The following NCKAP5 variants were observed in gnomAD, a reference collection of about 807,000 sequenced individuals.
NCKAP5 encodes the protein nck-associated protein 5.
In NCKAP5, 92 loss-of-function variants were observed where a neutral mutation model predicts 167.0. The observed-to-expected ratio is 0.55, with a 90% confidence interval of 0.47 to 0.66. The LOEUF is 0.66. NCKAP5 is among the 30% of genes least tolerant of loss of function. The pLI is 0.00. For missense variants in NCKAP5, 2,378 were observed against 2,315.0 expected, an observed-to-expected ratio of 1.03 and a Z score of -0.56; for synonymous variants, 891 against 877.4, an observed-to-expected ratio of 1.02 and a Z score of -0.27.
chr2:132,705,477 C>T (rs1266818012), intron 19 of NCKAP5, among the ~76,000 whole-genome samples: 1 of 152,144 alleles, frequency 6.6e-6, no homozygotes, highest in Non-Finnish European at 1.5e-5. Context: ...ATTCTCAGTT[C>T]TTATGTGACT....
At chr2:133,648,614 CATA>C in the NCKAP5 span, among the ~76,000 whole-genome samples, 2 of 151,830 alleles carry the variant, frequency 1.3e-5, no homozygotes, top group African/African-American at 2.4e-5. Flanking sequence ...ATTAAAAATT[CATA>C]ATATGTAGAA....
At chr2:133,516,741 G>A (rs929377185) in intron 3 of NCKAP5, among the ~76,000 whole-genome samples, 1 of 152,184 alleles carries the variant, frequency 6.6e-6, no homozygotes, top group Admixed American at 6.5e-5. Flanking sequence ...AAGGAACCAA[G>A]CTAAATCTCT....
At chr2:133,072,412 T>A (rs1439589221) in intron 6 of NCKAP5, among the ~76,000 whole-genome samples, 7 of 152,182 alleles carry the variant, frequency 4.6e-5, no homozygotes, top group African/African-American at 1.7e-4. Context: ...CTCTCCAGAC[T>A]GGAACAGGTG....
At position 132,994,190 on chromosome 2, in the gene NCKAP5, G is replaced by T. The variant is rs1340617104; in HGVS notation, c.391C>A (p.Gln131Lys). 1.3e-6 allele frequency: 2 copies of T among 1,590,964 alleles called. No individual in the cohort carries two copies. Among genetic ancestry groups the T allele is most frequent in the Non-Finnish European group, 1.7e-6 (2 of 1,167,816 alleles). The change falls in exon 7 of 20, where the codon CAG becomes AAG. Residue 131 changes from glutamine (Q) to lysine (K), a missense_variant. By Grantham distance (53) the Gln-to-Lys change is moderately conservative (BLOSUM62 1). Transcript: ENST00000409261. The stretch of plus-strand genomic sequence containing the variant: ...ATATTAACAGTTTCTTCTTTTTTCT[G>T]CTCTGGAGATCCTTGACTCTGCAAT... ...NLLQSQGSPE[Q>K]KKEETVNIMV...
chr2:133,216,830 G>A (rs980029056), intron 4 of NCKAP5, among the ~76,000 whole-genome samples: 10 of 152,086 alleles, frequency 6.6e-5, no homozygotes, highest in East Asian at 1.9e-4. Flanking sequence ...CTGTGTCGGA[G>A]GAGTAAGATG....
rs533358296 is a variant in NCKAP5, at chr2:133,563,002, A to G, written c.-129-3885T>C. On this transcript the variant is annotated intron_variant, in intron 1 of 19. Coordinates refer to ENST00000409261, the MANE Select transcript of NCKAP5 (RefSeq NM_207363.3). ...TAGAGAACTGGAGAAAAAGAAGGCT[A>G]TAAGGTACTTTGTGCTTAACTGGGT... is the stretch of plus-strand genomic sequence containing the variant. Among the ~76,000 whole-genome samples, 6 of 152,348 alleles carry G rather than the reference A, an allele frequency of 3.9e-5. No individual in the cohort carries two copies. In the East Asian group the frequency reaches 1.2e-3, roughly 29 times the overall value.
At chr2:133,584,439 C>T in the NCKAP5 span, among the ~76,000 whole-genome samples, 1 of 152,132 alleles carries the variant, frequency 6.6e-6, no homozygotes, top group Non-Finnish European at 1.5e-5. Context: ...CTGGAAGAGG[C>T]TTCTTCTTGC....
At position 132,700,178 on chromosome 2, in the gene NCKAP5, A is replaced by AT. The variant is rs549816773; in HGVS notation, c.5713+25448dup. ...CTTCACTCACTTTTTGATGGGGTTG[A>AT]TTTTTTCTTGTAAAGTTGTTTAAGT... On this transcript the variant is annotated intron_variant, in intron 19 of 19. Coordinates refer to ENST00000409261, the MANE Select transcript of NCKAP5 (RefSeq NM_207363.3). 2.0e-4 allele frequency among the ~76,000 whole-genome samples: 31 copies of AT among 151,610 alleles called. No individual in the cohort carries two copies. The East Asian group carries it at 4.9e-3, about 24-fold the overall frequency.
At chr2:132,709,148 C>G (rs926108949) in intron 19 of NCKAP5, among the ~76,000 whole-genome samples, 24 of 151,190 alleles carry the variant, frequency 1.6e-4, no homozygotes, top group African/African-American at 5.6e-4. Context: ...AATATCTACA[C>G]CCCCCCACCA....
intron 3 of NCKAP5, among the ~76,000 whole-genome samples, chr2:133,317,227 C>CA (rs1681672514): frequency 6.6e-6 from 1 of 151,974 alleles, no homozygotes; most frequent in Non-Finnish European, 1.5e-5. Context: ...ACAAAAGCTG[C>CA]AAAACCAGAA....
intron 4 of NCKAP5, among the ~76,000 whole-genome samples, chr2:133,232,163 G>A (rs909580984): frequency 2.6e-5 from 4 of 152,126 alleles, no homozygotes; most frequent in African/African-American, 9.7e-5. Flanking sequence ...CACAAGAAAG[G>A]CATAATATTC....
intron 4 of NCKAP5, among the ~76,000 whole-genome samples, chr2:133,262,647 C>A (rs2088969257): frequency 6.6e-6 from 1 of 152,200 alleles, no homozygotes; most frequent in South Asian, 2.1e-4. Flanking sequence ...CCCGTCGGGG[C>A]AACAGCCTTC....
intron 8 of NCKAP5, among the ~76,000 whole-genome samples, chr2:132,888,710 A>G (rs1009213441): frequency 3.3e-5 from 5 of 152,202 alleles, no homozygotes; most frequent in African/African-American, 9.7e-5. Flanking sequence ...TATTTTCAAA[A>G]TGAAAGATGA....
At chr2:132,973,738 C>T (rs1444964836) in intron 7 of NCKAP5, among the ~76,000 whole-genome samples, 1 of 149,564 alleles carries the variant, frequency 6.7e-6, no homozygotes, top group Admixed American at 6.7e-5. Flanking sequence ...AAAAAAAAAA[C>T]ACAAAAAAAC....
chr2:133,401,160 A>T (rs1036662862), intron 3 of NCKAP5, among the ~76,000 whole-genome samples: 1 of 152,192 alleles, frequency 6.6e-6, no homozygotes, highest in African/African-American at 2.4e-5. Context: ...TCCACAAAAA[A>T]TCCTAAACGA....
At chr2:133,533,989 C>A (rs1393354623) in intron 2 of NCKAP5, among the ~76,000 whole-genome samples, 1 of 152,126 alleles carries the variant, frequency 6.6e-6, no homozygotes, top group Admixed American at 6.5e-5. Flanking sequence ...ATTCAGGTCA[C>A]ATATGGATAT....
At chr2:132,865,944 C>T (rs538844755) in intron 10 of NCKAP5, among the ~76,000 whole-genome samples, 1 of 152,254 alleles carries the variant, frequency 6.6e-6, no homozygotes, top group East Asian at 1.9e-4. Context: ...CCACCTGATA[C>T]CACACAGACC....
intron 6 of NCKAP5, among the ~76,000 whole-genome samples, chr2:133,033,869 C>G (rs1373204309): frequency 6.6e-6 from 1 of 151,828 alleles, no homozygotes; most frequent in Admixed American, 6.6e-5. Flanking sequence ...CCTATGGGAT[C>G]TAGAAAATAG....
intron 5 of NCKAP5, among the ~76,000 whole-genome samples, chr2:133,205,962 T>G (rs996011039): frequency 1.1e-4 from 17 of 152,194 alleles, no homozygotes; most frequent in African/African-American, 3.6e-4. Context: ...TGACTAAAGA[T>G]TCCTTTAGAT....
Sources: allele counts gnomAD v4.1 joint callset (sites outside exome capture counted in the v4.1 genomes callset), GRCh38; gene constraint gnomAD v4.1.1; transcripts MANE v1.5; gene names NCBI Gene and HGNC (gene_info 2026-07-23, HGNC 2026-07-21).